The following ITGBL1 variants were observed in gnomAD, a reference collection of about 807,000 sequenced individuals.
The protein encoded by ITGBL1 is integrin beta-like protein 1.
In ITGBL1, 51 loss-of-function variants were observed where a neutral mutation model predicts 68.5. The ratio of observed to expected loss-of-function variants is 0.74; its 90% CI spans 0.59 to 0.94. The LOEUF (loss-of-function observed/expected upper bound fraction) is 0.94, where lower values mean the gene tolerates loss of function less well. Ranked by LOEUF, ITGBL1 falls within the 40% of genes least tolerant of loss-of-function variation. The probability of loss-of-function intolerance (pLI) is 0.00; values close to 1 mark genes in which losing one functional copy is unlikely to be tolerated. For synonymous variants in ITGBL1, 209 were observed against 227.3 expected (o/e 0.92, Z 0.72); for missense variants, 649 against 647.4 (o/e 1.00, Z -0.03).
chr13:101,527,496 T>G (rs1051894442), intron 2 of ITGBL1, among the ~76,000 whole-genome samples: 32 of 152,132 alleles, frequency 2.1e-4, no homozygotes, highest in Middle Eastern at 3.2e-3. Flanking sequence ...TGTTTCCATT[T>G]GAGGCTATCA....
chr13:101,546,323 T>C (rs1278933138), intron 2 of ITGBL1, among the ~76,000 whole-genome samples: 1 of 152,184 alleles, frequency 6.6e-6, no homozygotes, highest in African/African-American at 2.4e-5. Context: ...AATTTCATTA[T>C]TGGGTGTTAA....
At chr13:101,646,853 G>T (rs2032575927) in intron 7 of ITGBL1, among the ~76,000 whole-genome samples, 1 of 152,076 alleles carries the variant, frequency 6.6e-6, no homozygotes. Flanking sequence ...AAATAAGTAA[G>T]ATTCAAAGAT....
chr13:101,550,040 A>G (rs992919350), intron 2 of ITGBL1, among the ~76,000 whole-genome samples: 1 of 152,202 alleles, frequency 6.6e-6, no homozygotes, highest in African/African-American at 2.4e-5. Flanking sequence ...GGACTGCTAG[A>G]TGATTATGGC....
intron 2 of ITGBL1, among the ~76,000 whole-genome samples, chr13:101,557,164 G>A (rs2050020901): frequency 6.6e-6 from 1 of 152,176 alleles, no homozygotes. Flanking sequence ...AACTTAGGAT[G>A]AAGAACGCAG....
chr13:101,717,657 C>T (rs2034776127), downstream of ITGBL1: 1 of 149,588 alleles, frequency 6.7e-6, no homozygotes, highest in Non-Finnish European at 1.5e-5. Flanking sequence ...GTCCCTGTCT[C>T]ATATTCTTCT....
intron 7 of ITGBL1, among the ~76,000 whole-genome samples, chr13:101,606,560 CATT>C (rs1164959901): frequency 6.6e-6 from 1 of 150,978 alleles, no homozygotes; most frequent in African/African-American, 2.4e-5. Context: ...AAGAATACAT[CATT>C]ATTATTATCG....
At chr13:101,573,394 A>G (rs543854318) in intron 3 of ITGBL1, among the ~76,000 whole-genome samples, 1 of 152,202 alleles carries the variant, frequency 6.6e-6, no homozygotes, top group Admixed American at 6.5e-5. Context: ...TGAAAAATTT[A>G]TAGATAATAG....
chr13:101,703,362 A>G (rs1231229998), intron 8 of ITGBL1, among the ~76,000 whole-genome samples: 1 of 152,214 alleles, frequency 6.6e-6, no homozygotes, highest in East Asian at 1.9e-4. Flanking sequence ...TCAGAAAAGC[A>G]TGACAAATGT....
In ITGBL1 at chr13:101,617,866, A is replaced by G. The variant is rs556779419; in HGVS notation, c.1015+19567A>G. ...AGCACCCAGAACCTGAGGAGACAGT[A>G]GTGAAGAAGTATTAATGGATCATGA... is the stretch of plus-strand genomic sequence containing the variant. On this transcript the variant is annotated intron_variant, in intron 7 of 10. Transcript: ENST00000376180. 6.3e-4 allele frequency among the ~76,000 whole-genome samples: 96 copies of G among 152,304 alleles called. No individual in the cohort carries two copies. The South Asian group carries it at 0.019, about 31-fold the overall frequency.
rs2030742663 is a variant in ITGBL1 at position 101,605,507 on chromosome 13, C to CATATATATACACATATATA, written c.1015+7208_1015+7209insATATATATACACATATATA. ...ATACACATATATAGACATGTATATG[C>CATATATATACACATATATA]GTATACACATATAGACATATGTATA... On this transcript the variant is annotated intron_variant, in intron 7 of 10. Coordinates refer to ENST00000376180, the MANE Select transcript of ITGBL1 (RefSeq NM_004791.3). 3.7e-4 allele frequency among the ~76,000 whole-genome samples: 12 copies of CATATATATACACATATATA among 32,168 alleles called. 1 individual carries two copies. Among genetic ancestry groups the CATATATATACACATATATA allele is most frequent in the African/African-American group, 1.0e-3 (8 of 7,772 alleles). 21.1% of individuals were successfully genotyped at this position (32,168 alleles called of 152,430 possible). A position where few individuals can be genotyped will look rare whatever the true frequency, so the allele number is the denominator to read the frequency against.
intron 2 of ITGBL1, among the ~76,000 whole-genome samples, chr13:101,500,112 G>A (rs769319095): frequency 3.9e-5 from 6 of 152,088 alleles, no homozygotes; most frequent in Non-Finnish European, 7.4e-5. Context: ...TAACACCTAA[G>A]GATAAAGACA....
At chr13:101,623,645 G>A (rs750239835) in intron 7 of ITGBL1, among the ~76,000 whole-genome samples, 2 of 152,178 alleles carry the variant, frequency 1.3e-5, no homozygotes, top group East Asian at 1.9e-4. Context: ...TGGGTTCACC[G>A]TGAGTCACTG....
intron 7 of ITGBL1, among the ~76,000 whole-genome samples, chr13:101,641,738 G>A (rs1163773453): frequency 1.7e-5 from 2 of 115,286 alleles, no homozygotes; most frequent in Non-Finnish European, 3.3e-5. Context: ...GCAGTCCCCA[G>A]AGTGTGATGT....
rs145132369 is a variant in ITGBL1 at position 101,628,339 on chromosome 13, C to G, written c.1015+30040C>G. Reference sequence around the variant, plus strand: ...GGAGTTATTTGTATATTTTAAGTAACAGAACTTTATCAGATATGTCTTTTG... The same window carrying G: ...GGAGTTATTTGTATATTTTAAGTAAGAGAACTTTATCAGATATGTCTTTTG... On this transcript the variant is annotated intron_variant, in intron 7 of 10. Transcript: ENST00000376180. Among the ~76,000 whole-genome samples, 17 of 152,086 alleles carry G rather than the reference C, an allele frequency of 1.1e-4. No homozygotes were observed. The East Asian group carries it at 3.3e-3, about 29-fold the overall frequency.
chr13:101,598,038 T>C, intron 6 of ITGBL1, 115 bp from the exon 7 acceptor site: 1 of 955,826 alleles, frequency 1.0e-6, no homozygotes, highest in East Asian at 2.6e-5. Context: ...TAATATGTTA[T>C]ATTATGTTCA....
At chr13:101,574,703 A>G (rs1432401013) in intron 3 of ITGBL1, among the ~76,000 whole-genome samples, 2 of 152,114 alleles carry the variant, frequency 1.3e-5, no homozygotes, top group African/African-American at 2.4e-5. Flanking sequence ...GTGCAATATT[A>G]ATGTTGGTGA....
rs560205978 is a variant in ITGBL1, at chr13:101,515,970, A to G, written c.317-51729A>G. Among the ~76,000 whole-genome samples the G allele has an allele frequency of 9.2e-5, 14 of 152,276 alleles. No homozygotes were observed. In the South Asian group the frequency reaches 2.3e-3, roughly 25 times the overall value. On this transcript the variant is annotated intron_variant, in intron 2 of 10. Transcript: ENST00000376180. ...ATGGAAGGCCTGATTAACTAACTCA[A>G]TTATACACCCACACCTAGATGCTGT...
At chr13:101,528,684 A>G (rs1454140013) in intron 2 of ITGBL1, among the ~76,000 whole-genome samples, 1 of 152,002 alleles carries the variant, frequency 6.6e-6, no homozygotes. Flanking sequence ...AATGTATATA[A>G]TGAATGTTCT....
chr13:101,569,832 T>A (rs951569667), intron 3 of ITGBL1, among the ~76,000 whole-genome samples: 2 of 152,200 alleles, frequency 1.3e-5, no homozygotes, highest in Non-Finnish European at 2.9e-5. Context: ...CTCATATTGG[T>A]GATGTCAGTT....
Sources: gnomAD v4.1 joint callset for allele counts (sites outside exome capture counted in the v4.1 genomes callset) on GRCh38, gnomAD v4.1.1 for gene constraint, MANE v1.5 for transcripts, NCBI Gene and HGNC (gene_info 2026-07-23, HGNC 2026-07-21) for gene names.